The following PRKD1 variants were observed in gnomAD, a reference collection of about 807,000 sequenced individuals.
PRKD1 encodes the protein serine/threonine-protein kinase D1.
A neutral mutation model predicts 95.9 loss-of-function variants in PRKD1; 63 were observed. That is an observed-to-expected ratio of 0.66 (90% CI 0.54 to 0.81). PRKD1 has a LOEUF of 0.81. Ranked by LOEUF, PRKD1 falls within the 30% of genes least tolerant of loss-of-function variation. The probability of loss-of-function intolerance (pLI) is 0.00; values close to 1 mark genes in which losing one functional copy is unlikely to be tolerated. For missense variants in PRKD1, 1,048 were observed against 1,165.3 expected (o/e 0.90, Z 1.47); for synonymous variants, 425 against 423.1 (o/e 1.00, Z -0.05).
At chr14:29,864,214 AAC>A (rs1892807007) in intron 1 of PRKD1, among the ~76,000 whole-genome samples, 1 of 152,170 alleles carries the variant, frequency 6.6e-6, no homozygotes, top group African/African-American at 2.4e-5. Context: ...CAACCAATAT[AAC>A]ACAGTCAGAA....
chr14:29,882,739 CAG>C (rs1253643069), intron 1 of PRKD1, among the ~76,000 whole-genome samples: 1 of 152,210 alleles, frequency 6.6e-6, no homozygotes, highest in East Asian at 1.9e-4. Context: ...CAAGTTAAAT[CAG>C]AGAGTATTTG....
At chr14:29,813,152 A>G (rs1388524786) in intron 1 of PRKD1, among the ~76,000 whole-genome samples, 1 of 152,184 alleles carries the variant, frequency 6.6e-6, no homozygotes, top group Non-Finnish European at 1.5e-5. Context: ...TATTTAAGAT[A>G]AAATGAAAAT....
At chr14:29,611,479 G>A (rs1202154119) in intron 13 of PRKD1, among the ~76,000 whole-genome samples, 1 of 151,942 alleles carries the variant, frequency 6.6e-6, no homozygotes, top group South Asian at 2.1e-4. Context: ...TGGGGGGAGT[G>A]AGAACTCAAG....
chr14:29,623,073 G>T (rs1404078903), intron 13 of PRKD1, among the ~76,000 whole-genome samples: 2 of 152,162 alleles, frequency 1.3e-5, no homozygotes, highest in Non-Finnish European at 2.9e-5. Flanking sequence ...TAACTGATTA[G>T]CAGATACTAA....
intron 1 of PRKD1, among the ~76,000 whole-genome samples, chr14:29,757,920 T>A (rs1310097743): frequency 6.6e-6 from 1 of 151,966 alleles, no homozygotes; most frequent in Admixed American, 6.6e-5. Context: ...AGACAGGACA[T>A]CCTTCATATC....
intron 1 of PRKD1, among the ~76,000 whole-genome samples, chr14:29,895,120 A>AG (rs1468040659): frequency 6.6e-6 from 1 of 152,120 alleles, no homozygotes; most frequent in African/African-American, 2.4e-5. Flanking sequence ...TCACAAGGTC[A>AG]GGGGTTCGAG....
rs1005293562 is a variant in PRKD1, at chr14:29,927,456, T to G, written c.57A>C (p.Ala19=). Residue 19 remains alanine, a synonymous_variant, in exon 1 of 18, where the codon GCA becomes GCC. Coordinates refer to ENST00000331968, the MANE Select transcript of PRKD1 (RefSeq NM_002742.3). ...CCAGTGCGGCGGCCGCTGCGGCAGC[T>G]GCCGCCGCCACGGGCAGCAGCGGAC... ...PPSPLLPVAA[A]AAAAAAALVP... 41 of 1,301,880 alleles carry G rather than the reference T, an allele frequency of 3.1e-5. No individual in the cohort carries two copies. In the East Asian group the frequency reaches 9.0e-4, roughly 28 times the overall value. The allele number at this position is 1,301,880 out of a possible 1,614,324, so 80.6% of individuals were successfully genotyped here.
intron 1 of PRKD1, among the ~76,000 whole-genome samples, chr14:29,926,031 T>C (rs1393642993): frequency 6.6e-6 from 1 of 152,222 alleles, no homozygotes; most frequent in Non-Finnish European, 1.5e-5. Flanking sequence ...ACCCGTAATA[T>C]AAAAGTAAAT....
At chr14:29,844,651 A>G (rs1892009257) in intron 1 of PRKD1, among the ~76,000 whole-genome samples, 1 of 152,186 alleles carries the variant, frequency 6.6e-6, no homozygotes, top group Admixed American at 6.6e-5. Context: ...TAAGAAAGAA[A>G]GCAATTTTTA....
Position 29,663,814 on chromosome 14 carries a change from T to C in PRKD1, c.581A>G (p.Asn194Ser). ...YHKRCAFKIPNNCSGVRRRRL... is the reference protein window; with the variant it reads ...YHKRCAFKIPSNCSGVRRRRL... ...TCTCCGCCTCACACCGCTGCAATTG[T>C]TGGGTATTTTAAATGCACATCTCTT... Residue 194 changes from asparagine (N) to serine (S), a missense_variant, in exon 4 of 18, where the codon AAC (asparagine) becomes AGC (serine). By Grantham distance (46) the Asn-to-Ser change is conservative. Around this residue, in one of 3 missense-constraint regions of PRKD1, gnomAD observed 275 missense variants for 248.6 expected, o/e 1.11. Transcript: ENST00000331968. 1 of 1,614,012 alleles carries C rather than the reference T, an allele frequency of 6.2e-7. No homozygotes were observed. The highest frequency in any genetic ancestry group is 8.5e-7 in the Non-Finnish European group (1 of 1,179,922).
rs573018800 is a variant in PRKD1 at position 29,910,342 on chromosome 14, G to A, written c.264+16907C>T. On this transcript the variant is annotated intron_variant, in intron 1 of 17. Transcript: ENST00000331968. ...AGCAAGACCACGAGCCCACCAGAAG[G>A]AATAAACTCTGAACACGTCCGAACA... Among the ~76,000 whole-genome samples the A allele has an allele frequency of 9.9e-4, 150 of 152,156 alleles. 1 individual carries two copies. The South Asian group carries it at 0.011, about 11-fold the overall frequency.
chr14:29,815,990 TG>T (rs1377077985), intron 1 of PRKD1, among the ~76,000 whole-genome samples: 5 of 152,028 alleles, frequency 3.3e-5, no homozygotes, highest in Non-Finnish European at 7.4e-5. Context: ...GAGGCCGAGG[TG>T]GGCGGATCAC....
chr14:29,900,727 A>C (rs1045760521), intron 1 of PRKD1, among the ~76,000 whole-genome samples: 1 of 152,206 alleles, frequency 6.6e-6, no homozygotes, highest in Admixed American at 6.5e-5. Flanking sequence ...AAACATAAGA[A>C]AAAATGCTCC....
chr14:29,869,061 T>C (rs1246488792), intron 1 of PRKD1, among the ~76,000 whole-genome samples: 2 of 152,136 alleles, frequency 1.3e-5, no homozygotes, highest in African/African-American at 4.8e-5. Flanking sequence ...AATTCTAGAA[T>C]CCTACACTTG....
At chr14:29,725,382 T>C (rs1886088972) in intron 2 of PRKD1, among the ~76,000 whole-genome samples, 154 bp downstream of exon 2, 1 of 152,220 alleles carries the variant, frequency 6.6e-6, no homozygotes, top group Non-Finnish European at 1.5e-5. Flanking sequence ...GGAAACCTTT[T>C]GTTTCCCTTT....
At chr14:29,688,464 T>C (rs900664290) in intron 2 of PRKD1, among the ~76,000 whole-genome samples, 2 of 151,836 alleles carry the variant, frequency 1.3e-5, no homozygotes, top group Non-Finnish European at 2.9e-5. Context: ...ATTAGGAAAA[T>C]GAAATGAGAA....
At chr14:29,733,018 T>G (rs1886520498) in intron 1 of PRKD1, among the ~76,000 whole-genome samples, 1 of 151,472 alleles carries the variant, frequency 6.6e-6, no homozygotes, top group Non-Finnish European at 1.5e-5. Flanking sequence ...GTTTTTGTCT[T>G]TAGGGGAGGT....
intron 2 of PRKD1, among the ~76,000 whole-genome samples, chr14:29,714,438 C>T (rs984272033): frequency 1.3e-5 from 2 of 152,136 alleles, no homozygotes; most frequent in Admixed American, 6.5e-5. Context: ...GAATAGCAAT[C>T]ATTAAAAAGT....
At position 29,927,623 on chromosome 14, in the gene PRKD1, G is replaced by A. The variant is rs1321161243; in HGVS notation, c.-111C>T. On this transcript the variant is annotated 5_prime_UTR_variant, in exon 1 of 18. Coordinates refer to ENST00000331968, the MANE Select transcript of PRKD1 (RefSeq NM_002742.3). Reference sequence around the variant, plus strand: ...GCTTCTTTCTCCGAGAGCCCAGACGGAAAATAAAAACTTTCCGGAAAAGTC... The same window carrying A: ...GCTTCTTTCTCCGAGAGCCCAGACGAAAAATAAAAACTTTCCGGAAAAGTC... The A allele has an allele frequency of 1.3e-5, 11 of 859,056 alleles. No homozygotes were observed. Among genetic ancestry groups the A allele is most frequent in the South Asian group, 5.3e-5 (1 of 18,990 alleles). 53.2% of individuals were successfully genotyped at this position (859,056 alleles called of 1,614,324 possible).
Sources: allele counts gnomAD v4.1 joint callset (sites outside exome capture counted in the v4.1 genomes callset), GRCh38; gene constraint gnomAD v4.1.1; regional missense constraint gnomAD v4.1.1; transcripts MANE v1.5; gene names NCBI Gene and HGNC (gene_info 2026-07-23, HGNC 2026-07-21).